Variants in LRP5 observed in about 807,000 individuals in gnomAD.
The protein encoded by LRP5 is LDL receptor related protein 5.
Under a neutral mutation model 154.1 loss-of-function variants are expected in LRP5, and 62 were observed. That is an observed-to-expected ratio of 0.40 (90% CI 0.33 to 0.50). The LOEUF is 0.50. Ranked by LOEUF, LRP5 falls within the 20% of genes least tolerant of loss-of-function variation. The pLI is 0.55. For synonymous variants in LRP5, 966 were observed against 1,011.5 expected (o/e 0.96, Z 0.85); for missense variants, 1,915 against 2,336.7 (o/e 0.82, Z 3.72).
chr11:68,311,220 G>A (rs182722341), upstream of LRP5, among the ~76,000 whole-genome samples: 7 of 152,286 alleles, frequency 4.6e-5, no homozygotes, highest in African/African-American at 1.4e-4. Flanking sequence ...GCTTCCCATT[G>A]CTCGTGGGGT....
the LRP5 span, among the ~76,000 whole-genome samples, chr11:68,305,299 C>T: frequency 6.6e-6 from 1 of 151,980 alleles, no homozygotes; most frequent in Admixed American, 6.6e-5. Context: ...TGCACCTGCT[C>T]TGGCTCTGCC....
intron 1 of LRP5, among the ~76,000 whole-genome samples, chr11:68,320,855 T>A (rs1272152935): frequency 6.6e-6 from 1 of 152,188 alleles, no homozygotes; most frequent in Non-Finnish European, 1.5e-5. Context: ...TGCTGGTCTG[T>A]AGCTAGTCCT....
upstream of LRP5, among the ~76,000 whole-genome samples, chr11:68,308,054 TG>T (rs1489841095): frequency 2.6e-5 from 4 of 152,224 alleles, no homozygotes; most frequent in African/African-American, 9.6e-5. Flanking sequence ...TGTAGGCCGA[TG>T]GCGGCCTTCC....
chr11:68,339,787 G>T (rs1467511340), intron 1 of LRP5, among the ~76,000 whole-genome samples: 3 of 152,194 alleles, frequency 2.0e-5, no homozygotes, highest in African/African-American at 7.2e-5. Context: ...GAACACTGCT[G>T]TTAACATGCG....
At chr11:68,444,024 G>A (rs1300380041) in intron 21 of LRP5, among the ~76,000 whole-genome samples, 1 of 152,104 alleles carries the variant, frequency 6.6e-6, no homozygotes, top group Non-Finnish European at 1.5e-5. Flanking sequence ...CTTCTGGGAT[G>A]TAATTAGATT....
At chr11:68,310,482 T>G (rs1427403647), upstream of LRP5, among the ~76,000 whole-genome samples, 1 of 151,908 alleles carries the variant, frequency 6.6e-6, no homozygotes, top group Non-Finnish European at 1.5e-5. Flanking sequence ...AAGCTGGGCG[T>G]GGTGGCACAT....
At position 68,406,027 on chromosome 11, in the gene LRP5, T is replaced by C. The variant is rs577373011; in HGVS notation, c.1802-497T>C. 1.8e-3 allele frequency among the ~76,000 whole-genome samples: 272 copies of C among 152,378 alleles called. 1 individual carries two copies. Among genetic ancestry groups the C allele is most frequent in the Non-Finnish European group, 2.9e-3 (198 of 68,032 alleles). Reference sequence around the variant, plus strand: ...CTGCTCCCTGACTTCCTGACCATGCTCCTTTCAGCAGCCTTGCTGCACTTT... The same window carrying C: ...CTGCTCCCTGACTTCCTGACCATGCCCCTTTCAGCAGCCTTGCTGCACTTT... On this transcript the variant is annotated intron_variant, in intron 8 of 22. Transcript: ENST00000294304.
chr11:68,306,712 C>A, the LRP5 span, among the ~76,000 whole-genome samples: 1 of 152,228 alleles, frequency 6.6e-6, no homozygotes, highest in Non-Finnish European at 1.5e-5. Flanking sequence ...TAAGACTGCT[C>A]TGTGGACCAG....
chr11:68,324,953 A>G (rs1045210882), intron 1 of LRP5, among the ~76,000 whole-genome samples: 2 of 152,106 alleles, frequency 1.3e-5, no homozygotes, highest in Admixed American at 1.3e-4. Flanking sequence ...CTTTTCTCTG[A>G]GGGTTGAGGG....
At position 68,347,964 on chromosome 11, in the gene LRP5, T is replaced by A. The variant is rs2153129403; in HGVS notation, c.209T>A (p.Phe70Tyr). The change falls in exon 2 of 23, where the codon TTC becomes TAC. Residue 70 changes from phenylalanine to tyrosine, a missense_variant. Phe to Tyr is a conservative substitution (Grantham distance 22). Transcript: ENST00000294304. ...CTGGAGGATGCGGCCGCAGTGGACTTCCAGTTTTCCAAGGGAGCCGTGTAC... is the reference window on the plus strand; with the variant it reads ...CTGGAGGATGCGGCCGCAGTGGACTACCAGTTTTCCAAGGGAGCCGTGTAC... The part of the protein sequence containing the change: ...SGLEDAAAVD[F>Y]QFSKGAVYWT... The A allele has an allele frequency of 1.4e-5, 22 of 1,614,136 alleles. No homozygotes were observed. The highest frequency in any genetic ancestry group is 1.7e-5 in the Non-Finnish European group (20 of 1,180,030).
intron 1 of LRP5, among the ~76,000 whole-genome samples, chr11:68,326,998 TG>T (rs1396557764): frequency 6.6e-6 from 1 of 152,168 alleles, no homozygotes; most frequent in Non-Finnish European, 1.5e-5. Context: ...GCAGGGATGG[TG>T]GGGCCAGGCT....
At chr11:68,300,929 T>A in the LRP5 span, among the ~76,000 whole-genome samples, 15 of 149,216 alleles carry the variant, frequency 1.0e-4, 1 homozygote, top group Middle Eastern at 3.4e-3. Context: ...TAATTTATTT[T>A]TTTTTTATTT....
Position 68,423,014 on chromosome 11 carries a change from C to T in LRP5, c.3028-475C>T, listed in dbSNP as rs1033873507. Among the ~76,000 whole-genome samples the T allele has an allele frequency of 2.0e-5, 3 of 152,124 alleles. No homozygotes were observed. The highest frequency in any genetic ancestry group is 3.8e-4 in the East Asian group (2 of 5,200). On this transcript the variant is annotated intron_variant, in intron 13 of 22. Transcript: ENST00000294304. This position sits in a 1 kb window ranked among gnomAD's most constrained non-coding sequence, Gnocchi z 4.7. ...TGCAGAGAAAACAGTACGTGAGGGC[C>T]GCAGTCCAAAAGCTTGAGTCCTGGA...
chr11:68,444,635 G>A (rs1008618827), intron 21 of LRP5, among the ~76,000 whole-genome samples: 1 of 139,194 alleles, frequency 7.2e-6, no homozygotes, highest in African/African-American at 2.7e-5. Flanking sequence ...CGTGGTTCAC[G>A]GGACATCTGA....
At chr11:68,299,032 G>T in the LRP5 span, among the ~76,000 whole-genome samples, 2 of 152,178 alleles carry the variant, frequency 1.3e-5, no homozygotes, top group Non-Finnish European at 2.9e-5. Flanking sequence ...CCGCCGTCCC[G>T]ATCTTGCCCC....
At chr11:68,425,383 G>A (rs1029792830) in intron 15 of LRP5, 91 bp downstream of exon 15, 2 of 1,350,402 alleles carry the variant, frequency 1.5e-6, no homozygotes, top group Non-Finnish European at 2.0e-6. Context: ...GACCTGCCGT[G>A]AGCCCAGTGC....
intron 1 of LRP5, among the ~76,000 whole-genome samples, chr11:68,331,401 C>T (rs528067700): frequency 2.2e-4 from 34 of 152,296 alleles, no homozygotes; most frequent in African/African-American, 7.0e-4. Flanking sequence ...AGGCCCTGCC[C>T]GGGAGCACAG....
chr11:68,436,011 T>C (rs569135537), intron 18 of LRP5, among the ~76,000 whole-genome samples: 15 of 152,256 alleles, frequency 9.9e-5, no homozygotes, highest in African/African-American at 3.4e-4. Flanking sequence ...CAGATGTGAG[T>C]CACTGCGCCC....
intron 1 of LRP5, among the ~76,000 whole-genome samples, chr11:68,339,076 G>A (rs557446130): frequency 1.3e-5 from 2 of 151,774 alleles, no homozygotes; most frequent in Non-Finnish European, 2.9e-5. Flanking sequence ...GTTTCACCGT[G>A]TTGCCCAGGC....
Sources: allele counts gnomAD v4.1 joint callset (sites outside exome capture counted in the v4.1 genomes callset), GRCh38; gene constraint gnomAD v4.1.1; non-coding constraint Gnocchi (gnomAD v3.1); transcripts MANE v1.5; gene names NCBI Gene and HGNC (gene_info 2026-07-23, HGNC 2026-07-21).